Variants in UTRN observed in about 807,000 individuals in gnomAD.
UTRN encodes utrophin, also known as dystrophin-related protein 1.
In UTRN, 283 loss-of-function variants were observed where a neutral mutation model predicts 463.9. That is an observed-to-expected ratio of 0.61 (90% confidence interval 0.55 to 0.67). The LOEUF is 0.67. Among genes scored for constraint, UTRN ranks in the 30% least tolerant of loss-of-function variants. The probability of loss-of-function intolerance (pLI) is 0.00; values close to 1 mark genes in which losing one functional copy is unlikely to be tolerated. For synonymous variants in UTRN, 1,442 were observed against 1,431.5 expected (o/e 1.01, Z -0.17); for missense variants, 3,922 against 4,084.3 (o/e 0.96, Z 1.08).
intron 25 of UTRN, among the ~76,000 whole-genome samples, chr6:144,478,073 A>G (rs1791438024): frequency 6.6e-6 from 1 of 152,256 alleles, no homozygotes; most frequent in Admixed American, 6.5e-5. Context: ...TGCATTGACT[A>G]GTACAAATGT....
chr6:144,802,779 T>G (rs1777813157), intron 64 of UTRN, among the ~76,000 whole-genome samples: 1 of 152,152 alleles, frequency 6.6e-6, no homozygotes, highest in African/African-American at 2.4e-5. Flanking sequence ...ATTTTAAAAT[T>G]TGATGTTTCA....
At chr6:144,472,026 G>T (rs1427497901) in intron 23 of UTRN, among the ~76,000 whole-genome samples, 1 of 152,178 alleles carries the variant, frequency 6.6e-6, no homozygotes, top group Non-Finnish European at 1.5e-5. Flanking sequence ...TACATCCCAA[G>T]TGGGATTTTT....
chr6:144,641,907 G>C (rs937781382), intron 51 of UTRN, among the ~76,000 whole-genome samples: 5 of 152,260 alleles, frequency 3.3e-5, no homozygotes, highest in Admixed American at 3.3e-4. Flanking sequence ...CACAGGCAAT[G>C]CAAGTGTTTA....
intron 2 of UTRN, among the ~76,000 whole-genome samples, chr6:144,361,706 A>C (rs558433419): frequency 1.3e-5 from 2 of 151,812 alleles, no homozygotes; most frequent in African/African-American, 4.8e-5. Context: ...CTCCCTCCTC[A>C]GTTTCCCAAG....
In UTRN at chr6:144,473,732, G is replaced by C. The variant is rs138484721; in HGVS notation, c.3079G>C (p.Val1027Leu). The C allele has an allele frequency of 1.2e-6, 2 of 1,614,070 alleles. No homozygotes were observed. Among genetic ancestry groups the C allele is most frequent in the Non-Finnish European group, 1.7e-6 (2 of 1,179,956 alleles). The change falls in exon 24 of 75, where the codon GTC (valine) becomes CTC (leucine). Residue 1027 changes from valine (V) to leucine (L), a missense_variant. Physicochemically the swap from Val to Leu is conservative, Grantham distance 32. This residue lies in a region of UTRN where 2,349 missense variants were observed against 2,303.8 expected (regional missense o/e 1.02). Transcript: ENST00000367545. ...TLRAFEADST[V>L]IEKWMDGVKD... ...CATGTTCGATTAGGCCGATTCAACAGTCATTGAGAAGTGGATGGATGGCGT... is the reference window on the plus strand; with the variant it reads ...CATGTTCGATTAGGCCGATTCAACACTCATTGAGAAGTGGATGGATGGCGT...
intron 2 of UTRN, among the ~76,000 whole-genome samples, chr6:144,338,058 A>G (rs1353542279): frequency 2.0e-5 from 3 of 152,216 alleles, no homozygotes; most frequent in Admixed American, 2.0e-4. Flanking sequence ...TTATATCTTC[A>G]TGCTTTGGAA....
intron 52 of UTRN, among the ~76,000 whole-genome samples, chr6:144,698,317 G>C (rs1319077315): frequency 6.6e-6 from 1 of 152,104 alleles, no homozygotes; most frequent in Non-Finnish European, 1.5e-5. Context: ...TTCAATTGTA[G>C]CACCTGTGGA....
At chr6:144,603,574 G>A (rs536106129) in intron 51 of UTRN, among the ~76,000 whole-genome samples, 22 of 152,224 alleles carry the variant, frequency 1.4e-4, no homozygotes, top group South Asian at 8.3e-4. Flanking sequence ...GTTTCAACAC[G>A]TGGTTAACAT....
intron 1 of UTRN, among the ~76,000 whole-genome samples, chr6:144,291,027 G>T (rs543529862): frequency 6.6e-6 from 1 of 151,936 alleles, no homozygotes; most frequent in African/African-American, 2.4e-5. Context: ...ACCTGCCTCG[G>T]CCTCCCAAAG....
In UTRN at chr6:144,450,414, C is replaced by G. The variant is rs1232797819; in HGVS notation, c.2073-956C>G. Among the ~76,000 whole-genome samples the G allele has an allele frequency of 3.9e-5, 6 of 152,190 alleles. No individual in the cohort carries two copies. In the East Asian group the frequency reaches 1.2e-3, roughly 29 times the overall value. On this transcript the variant is annotated intron_variant, in intron 17 of 74. Coordinates refer to ENST00000367545, the MANE Select transcript of UTRN (RefSeq NM_007124.3). ...TGCAGTTTGCAAAATGTGATCTTCC[C>G]TTTCTCTGCTTTCCCTTGGCAAGGG...
At chr6:144,828,306 T>C (rs1367114397) in intron 68 of UTRN, among the ~76,000 whole-genome samples, 1 of 152,118 alleles carries the variant, frequency 6.6e-6, no homozygotes, top group East Asian at 1.9e-4. Context: ...GCATGGTTTG[T>C]TTACTGAACT....
At chr6:144,651,996 T>G (rs188325947) in intron 51 of UTRN, among the ~76,000 whole-genome samples, 1 of 152,272 alleles carries the variant, frequency 6.6e-6, no homozygotes, top group East Asian at 1.9e-4. Context: ...GTCCCCATTG[T>G]GTTGTACTTT....
intron 33 of UTRN, among the ~76,000 whole-genome samples, chr6:144,496,468 A>C: frequency 6.6e-6 from 1 of 152,088 alleles, no homozygotes; most frequent in East Asian, 1.9e-4. Flanking sequence ...AAATATTATT[A>C]TATTTATTCA....
At chr6:144,707,993 A>G (rs1785261978) in intron 53 of UTRN, 1 of 181,534 alleles carries the variant, frequency 5.5e-6, no homozygotes, top group Admixed American at 6.3e-5. Flanking sequence ...ACCTATGGAC[A>G]AATATCAACT....
intron 57 of UTRN, among the ~76,000 whole-genome samples, chr6:144,756,561 A>G (rs978855525): frequency 6.6e-6 from 1 of 152,116 alleles, no homozygotes; most frequent in African/African-American, 2.4e-5. Flanking sequence ...TGGCTTTATT[A>G]TATTTCTTGG....
At chr6:144,647,884 T>A (rs576853483) in intron 51 of UTRN, among the ~76,000 whole-genome samples, 1 of 152,348 alleles carries the variant, frequency 6.6e-6, no homozygotes, top group Admixed American at 6.5e-5. Context: ...TGCCACATAG[T>A]GAATGCCTGA....
At chr6:144,294,597 G>T (rs1212384372) in intron 2 of UTRN, among the ~76,000 whole-genome samples, 1 of 151,284 alleles carries the variant, frequency 6.6e-6, no homozygotes, top group African/African-American at 2.4e-5. Flanking sequence ...TTTCTTTTTT[G>T]GGGGGAAATT....
rs565788058 is a variant in UTRN, at chr6:144,463,825, G to A, written c.3066+959G>A. 2.6e-5 allele frequency among the ~76,000 whole-genome samples: 4 copies of A among 151,028 alleles called. No homozygotes were observed. In the East Asian group the frequency reaches 7.8e-4, roughly 29 times the overall value. ...GTATATCTATCTATCTATATATATA[G>A]ATAGATAGATTCTCTTGGAAGCTAA... On this transcript the variant is annotated intron_variant, in intron 23 of 74. Transcript: ENST00000367545.
intron 2 of UTRN, among the ~76,000 whole-genome samples, chr6:144,387,218 C>A (rs1781496999): frequency 6.6e-6 from 1 of 152,212 alleles, no homozygotes; most frequent in Non-Finnish European, 1.5e-5. Context: ...TCTTGGCTCA[C>A]TGCAACCTCC....
Sources: allele counts gnomAD v4.1 joint callset (sites outside exome capture counted in the v4.1 genomes callset), GRCh38; gene constraint gnomAD v4.1.1; regional missense constraint gnomAD v4.1.1; transcripts MANE v1.5; gene names NCBI Gene and HGNC (gene_info 2026-07-23, HGNC 2026-07-21).